The following LAMA3 variants were observed in gnomAD, a reference collection of about 807,000 sequenced individuals.
LAMA3 encodes the protein laminin subunit alpha 3.
Under a neutral mutation model 402.0 loss-of-function variants are expected in LAMA3, and 281 were observed. The ratio of observed to expected loss-of-function variants is 0.70; its 90% CI spans 0.63 to 0.77. The LOEUF is 0.77. LAMA3 is among the 30% of genes least tolerant of loss of function. The probability of loss-of-function intolerance (pLI) is 0.00; values close to 1 mark genes in which losing one functional copy is unlikely to be tolerated. For synonymous variants in LAMA3, 1,431 were observed against 1,558.4 expected, an observed-to-expected ratio of 0.92 and a Z score of 1.93; for missense variants, 3,840 against 4,215.5, an observed-to-expected ratio of 0.91 and a Z score of 2.47.
At chr18:23,949,027 G>A (rs2082809482) in intron 70 of LAMA3, among the ~76,000 whole-genome samples, 1 of 152,140 alleles carries the variant, frequency 6.6e-6, no homozygotes, top group South Asian at 2.1e-4. Flanking sequence ...TCCTCCCCAG[G>A]AAAATGCACA....
intron 15 of LAMA3, among the ~76,000 whole-genome samples, 171 bp downstream of exon 15, chr18:23,814,673 C>T (rs923191504): frequency 2.6e-5 from 4 of 152,176 alleles, no homozygotes; most frequent in African/African-American, 9.7e-5. Flanking sequence ...CTGTCACTTT[C>T]AAAATCTTAG....
intron 2 of LAMA3, among the ~76,000 whole-genome samples, chr18:23,718,411 A>G (rs2061149256): frequency 1.3e-5 from 2 of 152,244 alleles, no homozygotes; most frequent in Non-Finnish European, 2.9e-5. Flanking sequence ...CCAGGGAACA[A>G]CAACAAAATT....
chr18:23,689,714 G>A lies in LAMA3; in HGVS notation c.31G>A (p.Ala11Thr), dbSNP rs1053428428. The part of the protein sequence containing the change: MAAAARPRGR[A>T]LGPVLPPTPL... ...GGCGGCCGCGCGGCCTCGGGGTCGG[G>A]CACTGGGGCCAGTACTGCCGCCGAC... is the stretch of plus-strand genomic sequence containing the variant. The change falls in exon 1 of 75, where the codon GCA becomes ACA. Residue 11 changes from alanine (A) to threonine (T), a missense_variant. By Grantham distance (58) the Ala-to-Thr change is moderately conservative (BLOSUM62 0). Transcript: ENST00000313654. 7.9e-6 allele frequency: 11 copies of A among 1,394,228 alleles called. No individual in the cohort carries two copies. In the African/African-American group the frequency reaches 1.3e-4, roughly 17 times the overall value. The allele number at this position is 1,394,228 out of a possible 1,614,324, so 86.4% of individuals were successfully genotyped here.
intron 58 of LAMA3, 149 bp downstream of exon 58, chr18:23,915,009 T>C (rs1303889444): frequency 5.3e-6 from 4 of 749,882 alleles, no homozygotes; most frequent in South Asian, 5.0e-5. Flanking sequence ...CTAACACTTA[T>C]TGAGTGCTTC....
chr18:23,828,512 T>C (rs2063429545), intron 23 of LAMA3, among the ~76,000 whole-genome samples: 1 of 152,208 alleles, frequency 6.6e-6, no homozygotes, highest in African/African-American at 2.4e-5. Flanking sequence ...CACACATACA[T>C]GTATATAGGT....
chr18:23,826,745 T>C lies in LAMA3; in HGVS notation c.2615T>C (p.Val872Ala). 1 of 1,566,296 alleles carries C rather than the reference T, an allele frequency of 6.4e-7. No homozygotes were observed. The highest frequency in any genetic ancestry group is 2.3e-5 in the East Asian group (1 of 43,132). Residue 872 changes from valine (V) to alanine (A), a missense_variant, in exon 22 of 75, where the codon GTA becomes GCA. This residue lies in a region of LAMA3 where 2,109 missense variants were observed against 2,376.0 expected (regional missense o/e 0.89). Coordinates refer to ENST00000313654, the MANE Select transcript of LAMA3 (RefSeq NM_198129.4). ...CCCAGGGACTACTATGAAGCCTCTG[T>C]ACTGCAGCTGCCAGTCACAGAACCA... ...LLPRDYYEAS[V>A]LQLPVTEPCA...
chr18:23,939,691 T>TAA, intron 68 of LAMA3, among the ~76,000 whole-genome samples: 2 of 152,364 alleles, frequency 1.3e-5, no homozygotes, highest in South Asian at 4.1e-4. Flanking sequence ...CTAAAGCTGC[T>TAA]GTTTATTTCC....
intron 34 of LAMA3, among the ~76,000 whole-genome samples, chr18:23,859,210 G>A (rs2064157509): frequency 1.3e-5 from 2 of 152,170 alleles, no homozygotes; most frequent in African/African-American, 4.8e-5. Flanking sequence ...TAAATAAATC[G>A]AGTTTGTCAT....
At chr18:23,758,631 G>A in intron 7 of LAMA3, 120 bp downstream of exon 7, 1 of 713,862 alleles carries the variant, frequency 1.4e-6, no homozygotes, top group Non-Finnish European at 2.4e-6. Context: ...AGGGGCTCAA[G>A]TCTGTCTATT....
chr18:23,855,037 A>G (rs1026691613), intron 32 of LAMA3, among the ~76,000 whole-genome samples: 3 of 152,158 alleles, frequency 2.0e-5, no homozygotes, highest in African/African-American at 7.2e-5. Flanking sequence ...CACACACACA[A>G]AAAAACCACA....
chr18:23,841,998 C>G (rs955475180), intron 27 of LAMA3, among the ~76,000 whole-genome samples: 11 of 152,022 alleles, frequency 7.2e-5, no homozygotes, highest in Admixed American at 5.9e-4. Flanking sequence ...TAAGTATGGC[C>G]TTCTTGCAAA....
At chr18:23,764,241 C>G (rs1005482567) in intron 8 of LAMA3, among the ~76,000 whole-genome samples, 2 of 152,080 alleles carry the variant, frequency 1.3e-5, no homozygotes, top group African/African-American at 4.8e-5. Flanking sequence ...TTTGTCTCCC[C>G]CCTCCATACT....
chr18:23,812,314 C>G (rs1262972896), intron 13 of LAMA3, among the ~76,000 whole-genome samples: 1 of 152,058 alleles, frequency 6.6e-6, no homozygotes, highest in Non-Finnish European at 1.5e-5. Context: ...TGCACTCCAA[C>G]CTGGAAGACA....
chr18:23,878,152 T>A (rs2064783272), intron 39 of LAMA3, among the ~76,000 whole-genome samples: 1 of 152,096 alleles, frequency 6.6e-6, no homozygotes, highest in Non-Finnish European at 1.5e-5. Flanking sequence ...ATGTTATCAG[T>A]GAACCATTGC....
At chr18:23,811,379 C>A (rs1407017885) in intron 13 of LAMA3, among the ~76,000 whole-genome samples, 1 of 152,190 alleles carries the variant, frequency 6.6e-6, no homozygotes, top group Non-Finnish European at 1.5e-5. Context: ...GAAGACAGGA[C>A]TGACTTCATT....
intron 29 of LAMA3, 28 bp downstream of exon 29, chr18:23,842,778 T>C (rs1598901747): frequency 1.2e-6 from 2 of 1,613,898 alleles, no homozygotes; most frequent in Non-Finnish European, 1.7e-6. Context: ...CTCAACTTGC[T>C]CCTCACATGC....
At chr18:23,717,348 C>A (rs2061119441) in intron 2 of LAMA3, among the ~76,000 whole-genome samples, 1 of 152,044 alleles carries the variant, frequency 6.6e-6, no homozygotes, top group African/African-American at 2.4e-5. Context: ...AAATAAAATG[C>A]AGATCATAAA....
At chr18:23,824,778 C>A (rs532668308) in intron 21 of LAMA3, among the ~76,000 whole-genome samples, 5 of 152,252 alleles carry the variant, frequency 3.3e-5, no homozygotes, top group African/African-American at 1.2e-4. Flanking sequence ...TGTATCCTTT[C>A]AGCTAGCTTC....
rs2061819026 is a variant in LAMA3, at chr18:23,755,017, C to T, written c.947+1205C>T. Among the ~76,000 whole-genome samples the T allele has an allele frequency of 2.0e-5, 3 of 152,210 alleles. No homozygotes were observed. The South Asian group carries it at 6.2e-4, about 32-fold the overall frequency. On this transcript the variant is annotated intron_variant, in intron 6 of 74. Transcript: ENST00000313654. ...TGTTGTTCCCCCTTCAAGGATTCGGCAGTGCTGTTGAGAGAGCTTACGCAC... is the reference window on the plus strand; with the variant it reads ...TGTTGTTCCCCCTTCAAGGATTCGGTAGTGCTGTTGAGAGAGCTTACGCAC...
Sources: gnomAD v4.1 joint callset for allele counts (sites outside exome capture counted in the v4.1 genomes callset) on GRCh38, gnomAD v4.1.1 for gene constraint, gnomAD v4.1.1 regional missense constraint, MANE v1.5 for transcripts, NCBI Gene and HGNC (gene_info 2026-07-23, HGNC 2026-07-21) for gene names.